CHMP7: variants seen among roughly 807,000 people sequenced by gnomAD.
The protein encoded by CHMP7 is charged multivesicular body protein 7, also known as CHMP family, member 7.
In CHMP7, 15 loss-of-function variants were observed where a neutral mutation model predicts 53.7. That is an observed-to-expected ratio of 0.28 (90% CI 0.19 to 0.43). The LOEUF (loss-of-function observed/expected upper bound fraction) is 0.43. Ranked by LOEUF, CHMP7 falls within the 20% of genes least tolerant of loss-of-function variation. CHMP7 has a pLI of 1.00. For missense variants in CHMP7, 527 were observed against 569.4 expected (o/e 0.93, Z 0.76); for synonymous variants, 261 against 228.0 (o/e 1.14, Z -1.30).
chr8:23,246,951 A>T lies in CHMP7; in HGVS notation c.256A>T (p.Ser86Cys), dbSNP rs1167833643. 1 of 1,550,810 alleles carries T rather than the reference A, an allele frequency of 6.4e-7. No homozygotes were observed. Among genetic ancestry groups the T allele is most frequent in the East Asian group, 2.4e-5 (1 of 41,826 alleles). The change falls in exon 2 of 11, where the codon AGC becomes TGC. Residue 86 changes from serine to cysteine, a missense_variant. Physicochemically the swap from Ser to Cys is moderately radical, Grantham distance 112. Coordinates refer to ENST00000397677, the MANE Select transcript of CHMP7 (RefSeq NM_152272.5). ...DLQEAFQRKG[S>C]VPLGLATVLQ... ...GCAGGAGGCCTTTCAGCGCAAGGGG[A>T]GCGTCCCGCTGGGGCTGGCCACGGT...
chr8:23,255,641 A>G (rs528528209), intron 4 of CHMP7, among the ~76,000 whole-genome samples: 3 of 152,316 alleles, frequency 2.0e-5, no homozygotes, highest in Admixed American at 2.0e-4. Flanking sequence ...GGGACCTCGT[A>G]GTATCCCGCC....
rs1273508772 is a variant in CHMP7 at position 23,261,888 on chromosome 8, G to C, written c.*1289G>C. 4 of 152,626 alleles carry C rather than the reference G, an allele frequency of 2.6e-5. No individual in the cohort carries two copies. The highest frequency in any genetic ancestry group is 4.8e-5 in the African/African-American group (2 of 41,466). The allele number at this position is 152,626 out of a possible 1,614,324, so 9.5% of individuals were successfully genotyped here. On this transcript the variant is annotated 3_prime_UTR_variant, in exon 11 of 11. Transcript: ENST00000397677. ...CCAGGAGCACAAATCGTTGTTCAAT[G>C]AATTTCTCTCCAACTCGACCTTGGT...
At chr8:23,256,357 TA>T in intron 4 of CHMP7, 102 bp from the exon 5 acceptor site, 1 of 768,358 alleles carries the variant, frequency 1.3e-6, no homozygotes, top group Non-Finnish European at 2.3e-6. Context: ...CCCCCATGGA[TA>T]AGGGGGGCCT....
At chr8:23,252,821 A>G (rs1801984049) in intron 3 of CHMP7, among the ~76,000 whole-genome samples, 1 of 152,158 alleles carries the variant, frequency 6.6e-6, no homozygotes, top group South Asian at 2.1e-4. Flanking sequence ...TTCCAAATGG[A>G]TAGCCAGTTG....
intron 1 of CHMP7, 56 bp from the exon 2 acceptor site, chr8:23,246,200 G>T (rs1801675657): frequency 6.5e-6 from 1 of 152,724 alleles, no homozygotes; most frequent in Admixed American, 6.5e-5. Context: ...GGTTATTTTA[G>T]ATCTTTCTTC....
intron 3 of CHMP7, among the ~76,000 whole-genome samples, chr8:23,249,835 C>G (rs889379083): frequency 3.3e-5 from 5 of 152,160 alleles, no homozygotes; most frequent in African/African-American, 1.2e-4. Context: ...ATGCTCTTCT[C>G]CCTCGAAGAG....
intron 7 of CHMP7, 124 bp from the exon 8 acceptor site, chr8:23,258,608 T>C (rs1802234339): frequency 8.3e-7 from 1 of 1,199,158 alleles, no homozygotes; most frequent in Non-Finnish European, 1.2e-6. Context: ...TCGGTGGGTA[T>C]AGGGTAAATT....
intron 3 of CHMP7, among the ~76,000 whole-genome samples, chr8:23,250,332 C>T (rs1005234688): frequency 1.3e-5 from 2 of 152,112 alleles, no homozygotes; most frequent in South Asian, 2.1e-4. Context: ...CTCTGCCTCT[C>T]GTCTGCTCTG....
chr8:23,244,653 AGTTT>A (rs1321362958), intron 1 of CHMP7, among the ~76,000 whole-genome samples: 1 of 152,182 alleles, frequency 6.6e-6, no homozygotes, highest in Non-Finnish European at 1.5e-5. Context: ...CTTTAGAATT[AGTTT>A]GTTGATATCC....
At chr8:23,251,715 T>G (rs1801936545) in intron 3 of CHMP7, among the ~76,000 whole-genome samples, 1 of 152,240 alleles carries the variant, frequency 6.6e-6, no homozygotes, top group Non-Finnish European at 1.5e-5. Flanking sequence ...CCCTACACAG[T>G]ATGGATTTAC....
chr8:23,255,461 A>G (rs756444175), intron 4 of CHMP7, 29 bp downstream of exon 4: 8 of 1,593,882 alleles, frequency 5.0e-6, no homozygotes, highest in Non-Finnish European at 6.9e-6. Flanking sequence ...TCATTCACTG[A>G]CTCAGCAGTG....
chr8:23,246,797 G>A lies in CHMP7; in HGVS notation c.102G>A (p.Leu34=). 2 of 1,589,882 alleles carry A rather than the reference G, an allele frequency of 1.3e-6. No individual in the cohort carries two copies. Among genetic ancestry groups the A allele is most frequent in the South Asian group, 1.1e-5 (1 of 87,456 alleles). ...WEEDEERMSF[L]FSAFKRSREV... is the part of the protein sequence containing the mutation. ...AGGACGAGGAGCGCATGTCCTTCCT[G>A]TTCTCCGCTTTCAAGAGGAGTCGCG... The change falls in exon 2 of 11, where the codon CTG becomes CTA. Residue 34 remains leucine, a synonymous_variant. Coordinates refer to ENST00000397677, the MANE Select transcript of CHMP7 (RefSeq NM_152272.5).
chr8:23,247,070 C>T, intron 2 of CHMP7, 76 bp downstream of exon 2: 2 of 1,360,486 alleles, frequency 1.5e-6, no homozygotes, highest in South Asian at 3.0e-5. Context: ...TGGTCCTGTT[C>T]TCTGCACAGC....
In CHMP7 at chr8:23,246,597, A is replaced by T. The variant is rs768966961; in HGVS notation, c.-99A>T. 36 of 1,008,104 alleles carry T rather than the reference A, an allele frequency of 3.6e-5. No homozygotes were observed. Among genetic ancestry groups the T allele is most frequent in the Admixed American group, 2.6e-4 (10 of 39,120 alleles). The allele number at this position is 1,008,104 out of a possible 1,614,324, so 62.4% of individuals were successfully genotyped here. ...TCAGGGCGGCGGTGACGTGTGAACGAGAAGGAGGTGGTCAAGGAACGGAAG... is the reference window on the plus strand; with the variant it reads ...TCAGGGCGGCGGTGACGTGTGAACGTGAAGGAGGTGGTCAAGGAACGGAAG... On this transcript the variant is annotated 5_prime_UTR_variant, in exon 2 of 11. Transcript: ENST00000397677.
chr8:23,259,162 A>ATTTTTTTTT (rs374301627), intron 9 of CHMP7, 36 bp downstream of exon 9: 5 of 530,600 alleles, frequency 9.4e-6, no homozygotes, highest in African/African-American at 3.0e-5. Context: ...ATTTTTATTC[A>ATTTTTTTTT]TTTTTTTTTT....
Position 23,246,659 on chromosome 8 carries a change from G to C in CHMP7, c.-37G>C. ...CGAGGGCGGAAGCGGACCAGGGCCA[G>C]GCTTGTGTTCGCAGCCTTGCCGGGG... On this transcript the variant is annotated 5_prime_UTR_variant, in exon 2 of 11. Coordinates refer to ENST00000397677, the MANE Select transcript of CHMP7 (RefSeq NM_152272.5). The C allele has an allele frequency of 7.8e-6, 12 of 1,533,408 alleles. No homozygotes were observed. The highest frequency in any genetic ancestry group is 1.1e-5 in the Non-Finnish European group (12 of 1,137,018). The allele number at this position is 1,533,408 out of a possible 1,614,324, so 95.0% of individuals were successfully genotyped here. A position where few individuals can be genotyped will look rare whatever the true frequency, so the allele number is the denominator to read the frequency against.
At chr8:23,249,854 G>A (rs1180333597) in intron 3 of CHMP7, among the ~76,000 whole-genome samples, 3 of 152,056 alleles carry the variant, frequency 2.0e-5, no homozygotes, top group African/African-American at 7.2e-5. Flanking sequence ...AGGCCACTGG[G>A]GCCATGGTCC....
intron 9 of CHMP7, 166 bp from the exon 10 acceptor site, chr8:23,259,978 A>G (rs1802315769): frequency 1.7e-6 from 1 of 604,522 alleles, no homozygotes; most frequent in South Asian, 2.0e-5. Flanking sequence ...TGGAAGAATC[A>G]TCTCTGCTTG....
At chr8:23,259,247 C>T (rs1802280140) in intron 9 of CHMP7, 121 bp downstream of exon 9, 4 of 519,130 alleles carry the variant, frequency 7.7e-6, no homozygotes, top group East Asian at 3.4e-5. Flanking sequence ...CGGCTCACTG[C>T]AAGCTCCGCC....
Sources: allele counts gnomAD v4.1 joint callset (sites outside exome capture counted in the v4.1 genomes callset), GRCh38; gene constraint gnomAD v4.1.1; transcripts MANE v1.5; gene names NCBI Gene and HGNC (gene_info 2026-07-23, HGNC 2026-07-21).